Variants in POLD1 observed in about 807,000 individuals in gnomAD.
POLD1 encodes the protein DNA polymerase delta catalytic subunit.
A neutral mutation model predicts 129.7 loss-of-function variants in POLD1; 79 were observed. The ratio of observed to expected loss-of-function variants is 0.61; its 90% CI spans 0.51 to 0.73. POLD1 has a LOEUF of 0.73. Ranked by LOEUF, POLD1 falls within the 30% of genes least tolerant of loss-of-function variation. POLD1 has a pLI of 0.00. For missense variants in POLD1, 1,338 were observed against 1,595.8 expected, an observed-to-expected ratio of 0.84 and a Z score of 2.75; for synonymous variants, 714 against 683.3, an observed-to-expected ratio of 1.04 and a Z score of -0.70.
intron 26 of POLD1, 142 bp downstream of exon 26, chr19:50,417,411 C>T: frequency 1.6e-6 from 1 of 626,398 alleles, no homozygotes; most frequent in Non-Finnish European, 2.8e-6. Context: ...CTGTCCTGAG[C>T]CTCAGTGTCC....
intron 17 of POLD1, among the ~76,000 whole-genome samples, chr19:50,412,411 C>A (rs186917846): frequency 2.0e-5 from 3 of 151,808 alleles, no homozygotes; most frequent in African/African-American, 7.3e-5. Flanking sequence ...CCTCGGCCTC[C>A]CAAAGTGCTG....
In POLD1 at chr19:50,406,586, C is replaced by T; in HGVS notation, c.1494+69C>T. 2 of 1,196,120 alleles carry T rather than the reference C, an allele frequency of 1.7e-6. No individual in the cohort carries two copies. The highest frequency in any genetic ancestry group is 1.2e-6 in the Non-Finnish European group (1 of 827,012). 74.1% of individuals were successfully genotyped at this position (1,196,120 alleles called of 1,614,324 possible). A position where few individuals can be genotyped will look rare whatever the true frequency, so the allele number is the denominator to read the frequency against. ...CACCTCACCCTTCCCCGGCCTCTGACCTCAACTTCACGCCCCCACGTCTGA... is the reference window on the plus strand; with the variant it reads ...CACCTCACCCTTCCCCGGCCTCTGATCTCAACTTCACGCCCCCACGTCTGA... On this transcript the variant is annotated intron_variant, in intron 12 of 26. Transcript: ENST00000440232. This position sits in a 1 kb window ranked among gnomAD's most constrained non-coding sequence, Gnocchi z 5.5.
intron 3 of POLD1, among the ~76,000 whole-genome samples, chr19:50,400,260 G>A (rs1188945984): frequency 1.8e-5 from 2 of 112,376 alleles, no homozygotes; most frequent in Admixed American, 1.2e-4. Context: ...TGCTCCTGTC[G>A]CCCAGGCTGG....
chr19:50,400,797 C>T (rs1227587911), intron 3 of POLD1, among the ~76,000 whole-genome samples: 4 of 150,338 alleles, frequency 2.7e-5, no homozygotes, highest in Non-Finnish European at 5.9e-5. Flanking sequence ...CCCAGGTTCA[C>T]GCCATTCTCC....
rs74773050 is a variant in POLD1 at position 50,391,755 on chromosome 19, C to T, written c.-1-7096C>T. On this transcript the variant is annotated intron_variant, in intron 1 of 26. Transcript: ENST00000440232. ...TTCCCACTCCCCCGCTCTTGTTGCCCGGGCTGGAGTGCAATGGCGCAATCT... is the reference window on the plus strand; with the variant it reads ...TTCCCACTCCCCCGCTCTTGTTGCCTGGGCTGGAGTGCAATGGCGCAATCT... Among the ~76,000 whole-genome samples, 1,345 of 150,890 alleles carry T rather than the reference C, an allele frequency of 8.9e-3. 20 individuals carry two copies. Among genetic ancestry groups the T allele is most frequent in the African/African-American group, 0.03 (1,231 of 41,236 alleles).
At chr19:50,404,752 C>CTTTTTTGT (rs1024834131) in intron 10 of POLD1, among the ~76,000 whole-genome samples, 1 of 146,400 alleles carries the variant, frequency 6.8e-6, no homozygotes, top group Non-Finnish European at 1.5e-5. Flanking sequence ...CAAATTTTTG[C>CTTTTTTGT]TTTTTTGTTA....
At position 50,413,879 on chromosome 19, in the gene POLD1, G is replaced by A. The variant is rs1060501806; in HGVS notation, c.2388G>A (p.Lys796=). The A allele has an allele frequency of 2.5e-6, 4 of 1,596,612 alleles. No homozygotes were observed. Among genetic ancestry groups the A allele is most frequent in the Non-Finnish European group, 3.4e-6 (4 of 1,170,738 alleles). ...CGCCCATCCGGCTGGAGTTTGAGAA[G>A]GTGCGTGGCTGGGTCAGGGGCTCTG... ...FPSPIRLEFE[K]VYFPYLLISK... is the part of the protein sequence containing the mutation. Residue 796 remains lysine, a splice_region_variant and synonymous_variant, in exon 19 of 27, where the codon AAG becomes AAA. Coordinates refer to ENST00000440232, the MANE Select transcript of POLD1 (RefSeq NM_002691.4).
chr19:50,417,541 GC>G (rs1276071220), intron 26 of POLD1, among the ~76,000 whole-genome samples: 1 of 152,142 alleles, frequency 6.6e-6, no homozygotes, highest in Non-Finnish European at 1.5e-5. Context: ...AGCCAGCCTG[GC>G]CCCCTCCCCA....
Position 50,395,584 on chromosome 19 carries a change from C to CAA in POLD1, c.-1-3253_-1-3252dup, listed in dbSNP as rs536089528. Among the ~76,000 whole-genome samples the CAA allele has an allele frequency of 4.2e-3, 522 of 125,574 alleles. 4 individuals carry two copies. The highest frequency in any genetic ancestry group is 0.013 in the African/African-American group (473 of 35,606). 82.4% of individuals were successfully genotyped at this position (125,574 alleles called of 152,430 possible). A position where few individuals can be genotyped will look rare whatever the true frequency, so the allele number is the denominator to read the frequency against. ...GGGAGACAGAGCGAGACTCCGTCTC[C>CAA]AAAAAAAAAAAAAAATAGTGTAAAG... On this transcript the variant is annotated intron_variant, in intron 1 of 26. Transcript: ENST00000440232.
At chr19:50,403,353 C>T in intron 9 of POLD1, 134 bp downstream of exon 9, 4 of 1,129,344 alleles carry the variant, frequency 3.5e-6, no homozygotes, top group Non-Finnish European at 3.9e-6. Context: ...TGGGTGGGCC[C>T]CTGTGCAATT....
chr19:50,396,464 C>T (rs2038370461), intron 1 of POLD1, among the ~76,000 whole-genome samples: 1 of 144,510 alleles, frequency 6.9e-6, no homozygotes, highest in African/African-American at 2.9e-5. Flanking sequence ...CAAAATACAC[C>T]CCCAAAATAA....
At chr19:50,389,708 T>C (rs1344040174) in intron 1 of POLD1, among the ~76,000 whole-genome samples, 1 of 151,536 alleles carries the variant, frequency 6.6e-6, no homozygotes, top group Non-Finnish European at 1.5e-5. Flanking sequence ...TGCCTCAGCC[T>C]CCCGAATAGC....
chr19:50,404,828 C>T (rs2038813688), intron 10 of POLD1, among the ~76,000 whole-genome samples: 1 of 152,020 alleles, frequency 6.6e-6, no homozygotes, highest in Non-Finnish European at 1.5e-5. Context: ...GATCTTGGCT[C>T]ACCACAACCT....
At chr19:50,388,825 CTTTTTTT>C (rs34487979) in intron 1 of POLD1, among the ~76,000 whole-genome samples, 13 of 88,896 alleles carry the variant, frequency 1.5e-4, no homozygotes, top group East Asian at 3.7e-4. Context: ...GCAGTTAACT[CTTTTTTT>C]TTTTTTTTTT....
intron 17 of POLD1, among the ~76,000 whole-genome samples, chr19:50,412,246 G>A (rs892428407): frequency 1.3e-5 from 2 of 152,042 alleles, no homozygotes; most frequent in Non-Finnish European, 2.9e-5. Flanking sequence ...TCTCCCTCCC[G>A]GGTTCAAGTG....
At chr19:50,403,348 G>A (rs1456641065) in intron 9 of POLD1, 129 bp downstream of exon 9, 4 of 1,134,672 alleles carry the variant, frequency 3.5e-6, no homozygotes, top group Non-Finnish European at 5.1e-6. Flanking sequence ...GGGTCTGGGT[G>A]GGCCCCTGTG....
At position 50,401,857 on chromosome 19, in the gene POLD1, T is replaced by C. The variant is rs747669651; in HGVS notation, c.396T>C (p.Asp132=). Reference sequence around the variant, plus strand: ...TGCTCCGCGCCTTCGGGGTCACCGATGAGGGGTTCTCTGTCTGCTGCCACA... The same window carrying C: ...TGCTCCGCGCCTTCGGGGTCACCGACGAGGGGTTCTCTGTCTGCTGCCACA... ...VPVLRAFGVT[D]EGFSVCCHIH... The change falls in exon 4 of 27, where the codon GAT becomes GAC. Residue 132 remains aspartate (D), a synonymous_variant. Coordinates refer to ENST00000440232, the MANE Select transcript of POLD1 (RefSeq NM_002691.4). 3 of 1,614,002 alleles carry C rather than the reference T, an allele frequency of 1.9e-6. No individual in the cohort carries two copies. The highest frequency in any genetic ancestry group is 1.7e-5 in the Admixed American group (1 of 60,016).
intron 1 of POLD1, among the ~76,000 whole-genome samples, chr19:50,395,584 CA>C (rs536089528): frequency 0.012 from 1,462 of 125,328 alleles, 11 homozygotes; most frequent in Middle Eastern, 0.047. Flanking sequence ...ACTCCGTCTC[CA>C]AAAAAAAAAA....
Position 50,409,738 on chromosome 19 carries a change from T to G in POLD1, c.2154+72T>G, listed in dbSNP as rs2039028351. 2 of 1,474,914 alleles carry G rather than the reference T, an allele frequency of 1.4e-6. No homozygotes were observed. Among genetic ancestry groups the G allele is most frequent in the East Asian group, 4.6e-5 (2 of 43,780 alleles). 91.4% of individuals were successfully genotyped at this position (1,474,914 alleles called of 1,614,324 possible). On this transcript the variant is annotated intron_variant, in intron 17 of 26. Coordinates refer to ENST00000440232, the MANE Select transcript of POLD1 (RefSeq NM_002691.4). The surrounding 1 kb of genome is among the most constrained non-coding windows in gnomAD (Gnocchi z 5.8). ...CTGTGTAGGAGACCAGGGCTCCATG[T>G]GGGGGACCTGTATCCAGAGGACTGG... is the stretch of plus-strand genomic sequence containing the variant.
Sources: gnomAD v4.1 joint callset for allele counts (sites outside exome capture counted in the v4.1 genomes callset) on GRCh38, gnomAD v4.1.1 for gene constraint, Gnocchi (gnomAD v3.1) non-coding constraint, MANE v1.5 for transcripts, NCBI Gene and HGNC (gene_info 2026-07-23, HGNC 2026-07-21) for gene names.